CSMD1: variants seen among roughly 807,000 people sequenced by gnomAD.
CSMD1 encodes the protein CUB and Sushi multiple domains 1.
CSMD1 carries 213 observed loss-of-function variants against 417.5 expected under a neutral mutation model. The ratio of observed to expected loss-of-function variants is 0.51; its 90% CI spans 0.46 to 0.57. The LOEUF (loss-of-function observed/expected upper bound fraction) is 0.57, where lower values mean the gene tolerates loss of function less well. CSMD1 is among the 20% of genes least tolerant of loss of function. CSMD1 has a pLI of 0.00. For missense variants in CSMD1, 6,923 were observed against 4,529.7 expected (o/e 1.53, Z -15.17); for synonymous variants, 2,862 against 1,736.8 (o/e 1.65, Z -16.11).
chr8:4,328,600 T>A (rs60323710), intron 3 of CSMD1, among the ~76,000 whole-genome samples: 60,555 of 151,814 alleles, frequency 0.4, 13,321 homozygotes, highest in East Asian at 0.69. Flanking sequence ...AAAAATGAAG[T>A]CATTTTGTTT....
At chr8:4,161,476 A>G (rs2131097397) in intron 3 of CSMD1, among the ~76,000 whole-genome samples, 1 of 152,326 alleles carries the variant, frequency 6.6e-6, no homozygotes, top group East Asian at 1.9e-4. Flanking sequence ...ACTCAAGGTC[A>G]TGCTGCTGTT....
chr8:4,665,438 T>G (rs954559934), intron 1 of CSMD1, among the ~76,000 whole-genome samples: 1 of 152,146 alleles, frequency 6.6e-6, no homozygotes, highest in Non-Finnish European at 1.5e-5. Context: ...CCCATAACCA[T>G]GAGAGATTCA....
At chr8:4,388,817 T>G (rs1308640369) in intron 3 of CSMD1, among the ~76,000 whole-genome samples, 1 of 152,220 alleles carries the variant, frequency 6.6e-6, no homozygotes, top group Non-Finnish European at 1.5e-5. Flanking sequence ...GACCCAGCAC[T>G]GAATAATCCT....
At chr8:3,005,237 A>T (rs1051921328) in intron 52 of CSMD1, among the ~76,000 whole-genome samples, 9 of 152,210 alleles carry the variant, frequency 5.9e-5, no homozygotes, top group Admixed American at 6.5e-5. Context: ...GGACCCAGGA[A>T]TTTGAACGTC....
At chr8:3,833,254 A>G (rs976621021) in intron 5 of CSMD1, among the ~76,000 whole-genome samples, 1 of 152,124 alleles carries the variant, frequency 6.6e-6, no homozygotes, top group African/African-American at 2.4e-5. Context: ...ACATGTTGAT[A>G]ATATCTGCAT....
chr8:4,398,099 C>A (rs575264482), intron 3 of CSMD1, among the ~76,000 whole-genome samples: 85 of 152,232 alleles, frequency 5.6e-4, no homozygotes, highest in South Asian at 5.2e-3. Flanking sequence ...AGAGATATGC[C>A]ATCTTTTATG....
intron 23 of CSMD1, among the ~76,000 whole-genome samples, chr8:3,331,248 A>AAAAAAG (rs1453310540): frequency 6.6e-6 from 1 of 152,020 alleles, no homozygotes; most frequent in Non-Finnish European, 1.5e-5. Flanking sequence ...AAAAAAAAAA[A>AAAAAAG]AAAAGAAAAG....
chr8:3,493,932 C>G (rs1025497666), intron 10 of CSMD1, among the ~76,000 whole-genome samples: 1 of 152,110 alleles, frequency 6.6e-6, no homozygotes, highest in Non-Finnish European at 1.5e-5. Context: ...TTCAGAATTG[C>G]TATTACTCCC....
At chr8:3,930,054 G>A (rs1810033899) in intron 5 of CSMD1, among the ~76,000 whole-genome samples, 1 of 150,034 alleles carries the variant, frequency 6.7e-6, no homozygotes, top group Admixed American at 6.6e-5. Context: ...TCTGAGAGGG[G>A]GTATGTGTTA....
In CSMD1 at chr8:3,985,762, T is replaced by A. The variant is rs914829501; in HGVS notation, c.818+12141A>T. Among the ~76,000 whole-genome samples the A allele has an allele frequency of 4.7e-3, 718 of 151,790 alleles. 7 individuals are homozygous for A. Among genetic ancestry groups the A allele is most frequent in the African/African-American group, 0.016 (653 of 41,368 alleles). ...CCTTTAAAATGTTAAAGTGATTTTTTTTTTTTTTTTTGAGATGGAGTCTCA... is the reference window on the plus strand; with the variant it reads ...CCTTTAAAATGTTAAAGTGATTTTTATTTTTTTTTTTGAGATGGAGTCTCA... On this transcript the variant is annotated intron_variant, in intron 5 of 69. Coordinates refer to ENST00000635120, the MANE Select transcript of CSMD1 (RefSeq NM_033225.6).
intron 1 of CSMD1, among the ~76,000 whole-genome samples, chr8:4,867,561 A>C (rs1248867378): frequency 6.6e-6 from 1 of 152,088 alleles, no homozygotes; most frequent in East Asian, 1.9e-4. Flanking sequence ...GGATAGTCCC[A>C]GAGCAGCCAT....
At chr8:3,438,391 C>T (rs1196181671) in intron 12 of CSMD1, among the ~76,000 whole-genome samples, 1 of 152,140 alleles carries the variant, frequency 6.6e-6, no homozygotes, top group Non-Finnish European at 1.5e-5. Flanking sequence ...AGACATCCCT[C>T]CCGTTGACCC....
intron 2 of CSMD1, among the ~76,000 whole-genome samples, chr8:4,432,772 T>C (rs1296617888): frequency 6.6e-6 from 1 of 152,158 alleles, no homozygotes; most frequent in Non-Finnish European, 1.5e-5. Context: ...TAAAAATATA[T>C]GAAGCCAAGC....
rs558764682 is a variant in CSMD1, at chr8:3,030,625, C to T, written c.7661-1112G>A. Among the ~76,000 whole-genome samples the T allele has an allele frequency of 4.6e-5, 7 of 152,012 alleles. No individual in the cohort carries two copies. In the South Asian group the frequency reaches 1.5e-3, roughly 32 times the overall value. On this transcript the variant is annotated intron_variant, in intron 50 of 69. Coordinates refer to ENST00000635120, the MANE Select transcript of CSMD1 (RefSeq NM_033225.6). ...CCAAGTTGCTGGGACTATGGGGATA[C>T]AGATGTCCACCACCATGCCCAGCTA...
chr8:4,601,638 G>C (rs1227103552), intron 2 of CSMD1, among the ~76,000 whole-genome samples: 2 of 152,138 alleles, frequency 1.3e-5, no homozygotes, highest in African/African-American at 4.8e-5. Context: ...ACAAAGTATG[G>C]CGGATGTCTC....
intron 12 of CSMD1, among the ~76,000 whole-genome samples, chr8:3,431,857 C>T (rs1814236157): frequency 6.6e-6 from 1 of 152,124 alleles, no homozygotes; most frequent in African/African-American, 2.4e-5. Flanking sequence ...AGCCTGCCAC[C>T]ACGCCCACAG....
At chr8:4,588,449 C>G (rs1799814501) in intron 2 of CSMD1, among the ~76,000 whole-genome samples, 1 of 151,366 alleles carries the variant, frequency 6.6e-6, no homozygotes, top group Non-Finnish European at 1.5e-5. Context: ...CCAGTCTGTC[C>G]TCTCTGCACT....
intron 3 of CSMD1, among the ~76,000 whole-genome samples, chr8:4,064,204 G>C (rs1344928529): frequency 6.6e-6 from 1 of 152,146 alleles, no homozygotes; most frequent in Non-Finnish European, 1.5e-5. Flanking sequence ...TTTCACCATG[G>C]CTCAGATTTG....
chr8:4,993,514 C>T (rs1361296869), intron 1 of CSMD1, among the ~76,000 whole-genome samples: 1 of 151,854 alleles, frequency 6.6e-6, no homozygotes, highest in Non-Finnish European at 1.5e-5. Flanking sequence ...TAGAAGAAAA[C>T]ATTCCCCAAC....
Sources: allele counts gnomAD v4.1 joint callset (sites outside exome capture counted in the v4.1 genomes callset), GRCh38; gene constraint gnomAD v4.1.1; transcripts MANE v1.5; gene names NCBI Gene and HGNC (gene_info 2026-07-23, HGNC 2026-07-21).